The following DAW1 variants were observed in gnomAD, a reference collection of about 807,000 sequenced individuals.
DAW1 encodes dynein assembly factor with WD repeat domains 1.
In DAW1, 47 loss-of-function variants were observed where a neutral mutation model predicts 56.5. That is an observed-to-expected ratio of 0.83 (90% CI 0.66 to 1.06). The LOEUF (loss-of-function observed/expected upper bound fraction) is 1.06, where lower values mean the gene tolerates loss of function less well. DAW1 is among the 50% of genes least tolerant of loss of function. The pLI is 0.00. For synonymous variants in DAW1, 190 were observed against 179.0 expected (o/e 1.06, Z -0.49); for missense variants, 505 against 499.3 (o/e 1.01, Z -0.11).
chr2:227,887,435 T>G (rs1275739571), intron 2 of DAW1, among the ~76,000 whole-genome samples: 2 of 152,198 alleles, frequency 1.3e-5, no homozygotes, highest in Non-Finnish European at 2.9e-5. Context: ...TAATCTGGGT[T>G]AGATTCTATA....
chr2:227,884,145 G>A (rs1006207260), intron 1 of DAW1, among the ~76,000 whole-genome samples: 8 of 152,032 alleles, frequency 5.3e-5, no homozygotes, highest in African/African-American at 1.4e-4. Flanking sequence ...TTTTGAACTC[G>A]CTTAGCAAGT....
At chr2:227,887,138 T>G (rs1455957975) in intron 2 of DAW1, among the ~76,000 whole-genome samples, 2 of 152,168 alleles carry the variant, frequency 1.3e-5, no homozygotes, top group Non-Finnish European at 2.9e-5. Context: ...ATGGTCTATG[T>G]AGGGTCCAAG....
chr2:227,875,126 T>G (rs1690850041), intron 1 of DAW1, among the ~76,000 whole-genome samples: 1 of 152,068 alleles, frequency 6.6e-6, no homozygotes, highest in Non-Finnish European at 1.5e-5. Flanking sequence ...GCAGCTCCAT[T>G]TCTCCACTTA....
At chr2:227,894,834 C>T (rs1351434512) in intron 5 of DAW1, among the ~76,000 whole-genome samples, 2 of 152,226 alleles carry the variant, frequency 1.3e-5, no homozygotes, top group Non-Finnish European at 2.9e-5. Context: ...GGGCATCCTC[C>T]TCCTGCTGGT....
chr2:227,894,493 C>T (rs888259101), intron 5 of DAW1, among the ~76,000 whole-genome samples: 1 of 152,148 alleles, frequency 6.6e-6, no homozygotes, highest in East Asian at 1.9e-4. Context: ...AGTTCGTGCT[C>T]AGGCAAGACT....
intron 10 of DAW1, among the ~76,000 whole-genome samples, chr2:227,909,706 A>C (rs1342034172): frequency 2.0e-5 from 3 of 152,112 alleles, no homozygotes; most frequent in African/African-American, 7.2e-5. Flanking sequence ...GGGATCTGAG[A>C]ACCAGAAGCT....
At chr2:227,884,411 C>T (rs1257977990) in intron 1 of DAW1, among the ~76,000 whole-genome samples, 2 of 152,114 alleles carry the variant, frequency 1.3e-5, no homozygotes, top group Admixed American at 6.5e-5. Flanking sequence ...TTGATTATTA[C>T]GGGGATCCTT....
intron 10 of DAW1, among the ~76,000 whole-genome samples, chr2:227,915,165 A>T (rs1691922530): frequency 6.6e-6 from 1 of 152,086 alleles, no homozygotes; most frequent in African/African-American, 2.4e-5. Flanking sequence ...CACTTTGATA[A>T]ATATATGATG....
intron 12 of DAW1, 145 bp from the exon 13 acceptor site, chr2:227,923,789 G>A (rs989810144): frequency 7.9e-5 from 70 of 884,206 alleles, no homozygotes; most frequent in Non-Finnish European, 1.1e-5. Context: ...GAGCTGCTCA[G>A]AGACTCTGCA....
At chr2:227,871,760 C>T (rs749939534) in intron 1 of DAW1, 31 bp downstream of exon 1, 6 of 1,613,250 alleles carry the variant, frequency 3.7e-6, no homozygotes, top group Non-Finnish European at 5.1e-6. Context: ...GTCATCCCCA[C>T]GTGGGACCCT....
At chr2:227,917,561 A>AT (rs145465675) in intron 10 of DAW1, among the ~76,000 whole-genome samples, 30,160 of 151,828 alleles carry the variant, frequency 0.2, 3,256 homozygotes, top group Middle Eastern at 0.32. Context: ...CGCCCAGCCG[A>AT]TTTTTTTGTT....
chr2:227,898,636 T>A (rs1260589923), intron 6 of DAW1, among the ~76,000 whole-genome samples: 2 of 152,136 alleles, frequency 1.3e-5, no homozygotes, highest in Non-Finnish European at 2.9e-5. Flanking sequence ...TTATATTTTA[T>A]GTTGCTGTTT....
At chr2:227,889,791 T>C (rs1021715384) in intron 2 of DAW1, 65 bp from the exon 3 acceptor site, 5 of 1,341,576 alleles carry the variant, frequency 3.7e-6, no homozygotes, top group East Asian at 2.7e-5. Context: ...CAATTCTTCA[T>C]GTAATATAGG....
intron 5 of DAW1, among the ~76,000 whole-genome samples, chr2:227,897,093 GAAAA>G (rs200209188): frequency 3.2e-5 from 3 of 92,308 alleles, no homozygotes; most frequent in Non-Finnish European, 7.0e-5. Context: ...CTCAAAAAAA[GAAAA>G]AAAAAAAAAA....
At chr2:227,889,367 G>T (rs544347765) in intron 2 of DAW1, 3 of 152,424 alleles carry the variant, frequency 2.0e-5, no homozygotes, top group African/African-American at 7.2e-5. Context: ...TTGATGCTGC[G>T]TCTTCACATG....
At chr2:227,908,698 CTA>C (rs1305004589) in intron 10 of DAW1, among the ~76,000 whole-genome samples, 9 of 152,214 alleles carry the variant, frequency 5.9e-5, no homozygotes, top group African/African-American at 2.2e-4. Context: ...CTATTTTACA[CTA>C]AACTATGTCT....
At chr2:227,883,319 A>G (rs917024866) in intron 1 of DAW1, among the ~76,000 whole-genome samples, 1 of 152,342 alleles carries the variant, frequency 6.6e-6, no homozygotes, top group African/African-American at 2.4e-5. Flanking sequence ...GGTAGTGAAA[A>G]TGGTAAATGT....
At chr2:227,919,436 G>T (rs997747394) in intron 11 of DAW1, among the ~76,000 whole-genome samples, 1 of 152,146 alleles carries the variant, frequency 6.6e-6, no homozygotes, top group East Asian at 1.9e-4. Flanking sequence ...GTTAGCTGAA[G>T]ATATTTAATA....
intron 1 of DAW1, chr2:227,872,297 A>AAAAAAAAAAAAAAAAAAAAG (rs1553600898): frequency 7.6e-6 from 1 of 131,464 alleles, no homozygotes; most frequent in African/African-American, 2.8e-5. Context: ...AAAAAAGAAA[A>AAAAAAAAAAAAAAAAAAAAG]AAAAGAAAAA....
Sources: gnomAD v4.1 joint callset for allele counts (sites outside exome capture counted in the v4.1 genomes callset) on GRCh38, gnomAD v4.1.1 for gene constraint, MANE v1.5 for transcripts, NCBI Gene and HGNC (gene_info 2026-07-23, HGNC 2026-07-21) for gene names.